The following PSTPIP2 variants were observed in gnomAD, a reference collection of about 807,000 sequenced individuals.
PSTPIP2 encodes the protein proline-serine-threonine phosphatase-interacting protein 2.
A neutral mutation model predicts 63.3 loss-of-function variants in PSTPIP2; 33 were observed. The observed-to-expected ratio is 0.52, with a 90% CI of 0.40 to 0.70. PSTPIP2 has a LOEUF of 0.70. PSTPIP2 is among the 30% of genes least tolerant of loss of function. The pLI is 0.00. For missense variants in PSTPIP2, 312 were observed against 400.7 expected, an observed-to-expected ratio of 0.78 and a Z score of 1.89; for synonymous variants, 125 against 132.7, an observed-to-expected ratio of 0.94 and a Z score of 0.40.
At position 46,054,047 on chromosome 18, in the gene PSTPIP2, T is replaced by C. The variant is rs1908668725; in HGVS notation, c.34-14000A>G. On this transcript the variant is annotated intron_variant, in intron 1 of 14. Coordinates refer to ENST00000409746, the MANE Select transcript of PSTPIP2 (RefSeq NM_024430.4). ...GCTATATGGTATGGCCTATTGCTCC[T>C]AGGCTACAAACCTGTACGGCATGTC... Among the ~76,000 whole-genome samples the C allele has an allele frequency of 4.6e-5, 7 of 152,218 alleles. No homozygotes were observed. The South Asian group carries it at 1.4e-3, about 32-fold the overall frequency.
At chr18:46,071,825 G>A (rs1046204714) in intron 1 of PSTPIP2, among the ~76,000 whole-genome samples, 4 of 152,216 alleles carry the variant, frequency 2.6e-5, no homozygotes, top group African/African-American at 9.7e-5. Flanking sequence ...TGACTCTAAG[G>A]TGTCTCGGCT....
At chr18:46,022,740 G>GACC (rs1241335055) in intron 3 of PSTPIP2, among the ~76,000 whole-genome samples, 2 of 152,118 alleles carry the variant, frequency 1.3e-5, no homozygotes, top group African/African-American at 4.8e-5. Context: ...TAGGCACCAT[G>GACC]ACCTGGTCAC....
chr18:46,005,565 C>T, intron 5 of PSTPIP2, 34 bp from the exon 6 acceptor site: 1 of 1,442,038 alleles, frequency 6.9e-7, no homozygotes, highest in Non-Finnish European at 9.5e-7. Flanking sequence ...TTAATAAAAA[C>T]ACAAATCATT....
At chr18:45,992,083 C>T (rs879074430) in intron 11 of PSTPIP2, 23 bp downstream of exon 11, 6 of 1,599,022 alleles carry the variant, frequency 3.8e-6, no homozygotes, top group Non-Finnish European at 3.4e-6. Flanking sequence ...AAATAACACT[C>T]CCCACCCCAC....
chr18:46,017,216 G>C (rs927295514), intron 3 of PSTPIP2, among the ~76,000 whole-genome samples: 1 of 151,990 alleles, frequency 6.6e-6, no homozygotes, highest in Non-Finnish European at 1.5e-5. Context: ...GTATTTTAAA[G>C]ACATAATTCT....
At chr18:45,996,658 T>C (rs1283724306) in intron 9 of PSTPIP2, among the ~76,000 whole-genome samples, 2 of 149,922 alleles carry the variant, frequency 1.3e-5, no homozygotes, top group Non-Finnish European at 3.0e-5. Flanking sequence ...CAGCCAGGCA[T>C]GGTGGCTCAT....
chr18:46,065,144 C>CAAAAAAAAAAA (rs35144990), intron 1 of PSTPIP2, among the ~76,000 whole-genome samples: 8 of 80,776 alleles, frequency 9.9e-5, no homozygotes, highest in Admixed American at 1.4e-4. Context: ...AACTCTGTCT[C>CAAAAAAAAAAA]AAAAAAAAAA....
At chr18:46,044,724 C>G (rs1908322032) in intron 1 of PSTPIP2, among the ~76,000 whole-genome samples, 1 of 152,086 alleles carries the variant, frequency 6.6e-6, no homozygotes, top group Non-Finnish European at 1.5e-5. Flanking sequence ...AACAGGCAAC[C>G]TACAAAATGG....
At chr18:45,998,121 G>A (rs910694747) in intron 8 of PSTPIP2, among the ~76,000 whole-genome samples, 5 of 152,302 alleles carry the variant, frequency 3.3e-5, no homozygotes, top group East Asian at 1.9e-4. Context: ...GGTTTTGTTT[G>A]TGTAATTCCA....
chr18:45,996,864 G>A (rs1477866855), intron 9 of PSTPIP2, among the ~76,000 whole-genome samples: 1 of 152,134 alleles, frequency 6.6e-6, no homozygotes, highest in Non-Finnish European at 1.5e-5. Flanking sequence ...TCAGGCTGCA[G>A]TGAGCTCTGA....
rs150302296 is a variant in PSTPIP2, at chr18:46,036,773, G to C, written c.134+3174C>G. Among the ~76,000 whole-genome samples, 423 of 152,260 alleles carry C rather than the reference G, an allele frequency of 2.8e-3. 1 individual carries two copies. Among genetic ancestry groups the C allele is most frequent in the African/African-American group, 9.5e-3 (395 of 41,552 alleles). On this transcript the variant is annotated intron_variant, in intron 2 of 14. Transcript: ENST00000409746. ...GGGTGCAGTGCTGGGTTCCATCCAG[G>C]GAAGAGCAGGGCTGGGGAGCTCACC... is the stretch of plus-strand genomic sequence containing the variant.
intron 1 of PSTPIP2, among the ~76,000 whole-genome samples, chr18:46,055,504 C>T (rs1023857046): frequency 6.6e-5 from 10 of 151,988 alleles, no homozygotes; most frequent in South Asian, 4.1e-4. Context: ...GTATTTTTTT[C>T]GTTGAGGTTT....
intron 2 of PSTPIP2, chr18:46,029,650 A>G (rs1459499582): frequency 4.0e-6 from 3 of 741,352 alleles, no homozygotes; most frequent in African/African-American, 1.7e-5. Context: ...ATTCAATCCT[A>G]CTACAGAAAT....
intron 9 of PSTPIP2, among the ~76,000 whole-genome samples, chr18:45,995,046 C>A (rs1349387443): frequency 3.3e-5 from 5 of 150,980 alleles, no homozygotes; most frequent in Non-Finnish European, 7.4e-5. Flanking sequence ...CATTCCTATG[C>A]AGGGTTTGTT....
In PSTPIP2 at chr18:46,007,072, G is replaced by A. The variant is rs187569765; in HGVS notation, c.355-1541C>T. Among the ~76,000 whole-genome samples the A allele has an allele frequency of 2.6e-3, 390 of 152,276 alleles. 2 individuals are homozygous for A. Among genetic ancestry groups the A allele is most frequent in the African/African-American group, 8.7e-3 (362 of 41,564 alleles). ...CAAACTGTAAACAACGAAAAGATGC[G>A]AAAATTCAAAATGAGCAATGACACT... On this transcript the variant is annotated intron_variant, in intron 5 of 14. Coordinates refer to ENST00000409746, the MANE Select transcript of PSTPIP2 (RefSeq NM_024430.4).
At chr18:45,996,571 G>A (rs2051596077) in intron 9 of PSTPIP2, among the ~76,000 whole-genome samples, 1 of 151,872 alleles carries the variant, frequency 6.6e-6, no homozygotes, top group South Asian at 2.1e-4. Context: ...AAATTGTGAG[G>A]TCATTTGCTG....
At position 45,983,625 on chromosome 18, in the gene PSTPIP2, C is replaced by G. The variant is rs1444338208; in HGVS notation, c.*1834G>C. ...TTCCATCCACAAAACGGTTTTACAT[C>G]AACTACACTGACCAATACAGAGAAA... On this transcript the variant is annotated 3_prime_UTR_variant, in exon 15 of 15. Transcript: ENST00000409746. 1 of 152,188 alleles carries G rather than the reference C, an allele frequency of 6.6e-6. No individual in the cohort carries two copies. Among genetic ancestry groups the G allele is most frequent in the Non-Finnish European group, 1.5e-5 (1 of 68,046 alleles). The allele number at this position is 152,188 out of a possible 1,614,324, so 9.4% of individuals were successfully genotyped here.
At position 45,987,957 on chromosome 18, in the gene PSTPIP2, C is replaced by A. The variant is rs73438234; in HGVS notation, c.*8+745G>T. 1.5e-3 allele frequency among the ~76,000 whole-genome samples: 226 copies of A among 152,246 alleles called. 1 individual carries two copies. Among genetic ancestry groups the A allele is most frequent in the African/African-American group, 5.3e-3 (222 of 41,532 alleles). ...ATCTGCAGGATGACCTCCATGATGA[C>A]CTTGTGTGTATAATGAGTGTGATAT... On this transcript the variant is annotated intron_variant, in intron 14 of 14. Transcript: ENST00000409746.
At chr18:46,019,146 C>G (rs115173797) in intron 3 of PSTPIP2, among the ~76,000 whole-genome samples, 1 of 152,160 alleles carries the variant, frequency 6.6e-6, no homozygotes, top group Non-Finnish European at 1.5e-5. Context: ...TCTCATGGAA[C>G]TGTGGACTGT....
Sources: allele counts gnomAD v4.1 joint callset (sites outside exome capture counted in the v4.1 genomes callset), GRCh38; gene constraint gnomAD v4.1.1; transcripts MANE v1.5; gene names NCBI Gene and HGNC (gene_info 2026-07-23, HGNC 2026-07-21).